SLC35F4: variants seen among roughly 807,000 people sequenced by gnomAD.
The protein encoded by SLC35F4 is chromosome 14 open reading frame 36.
Under a neutral mutation model 44.2 loss-of-function variants are expected in SLC35F4, and 24 were observed. The ratio of observed to expected loss-of-function variants is 0.54; its 90% CI spans 0.39 to 0.76. The LOEUF (loss-of-function observed/expected upper bound fraction) is 0.76. Among genes scored for constraint, SLC35F4 ranks in the 30% least tolerant of loss-of-function variants. The pLI is 0.00. For synonymous variants in SLC35F4, 238 were observed against 223.6 expected (o/e 1.06, Z -0.57); for missense variants, 562 against 586.1 (o/e 0.96, Z 0.42).
At chr14:57,701,881 T>G (rs999711296) in intron 1 of SLC35F4, among the ~76,000 whole-genome samples, 1 of 152,166 alleles carries the variant, frequency 6.6e-6, no homozygotes, top group African/African-American at 2.4e-5. Flanking sequence ...AGACCTCAGC[T>G]GACCACAAAT....
intron 1 of SLC35F4, among the ~76,000 whole-genome samples, chr14:57,707,503 T>C (rs182049446): frequency 1.0e-3 from 156 of 152,276 alleles, no homozygotes; most frequent in African/African-American, 3.5e-3. Flanking sequence ...TCTGCCATGA[T>C]TGTAAATTTC....
At chr14:57,672,828 A>G (rs1346862464) in intron 1 of SLC35F4, among the ~76,000 whole-genome samples, 1 of 151,922 alleles carries the variant, frequency 6.6e-6, no homozygotes, top group Non-Finnish European at 1.5e-5. Flanking sequence ...TTAGGACAGG[A>G]AAGTGAGCCA....
rs76860724 is a variant in SLC35F4, at chr14:57,570,305, C to T, written c.934-325G>A. Among the ~76,000 whole-genome samples, 704 of 152,314 alleles carry T rather than the reference C, an allele frequency of 4.6e-3. 4 individuals are homozygous for T. The highest frequency in any genetic ancestry group is 7.2e-3 in the Non-Finnish European group (491 of 68,026). ...GTCCAGACAAGCCCAGAAAAATCTT[C>T]TAGGATTGACTGGCCATTAATCCTT... On this transcript the variant is annotated intron_variant, in intron 5 of 7. Transcript: ENST00000556826.
chr14:57,901,641 C>G (rs531268195), intron 1 of SLC35F4, among the ~76,000 whole-genome samples: 1 of 152,168 alleles, frequency 6.6e-6, no homozygotes, highest in East Asian at 1.9e-4. Flanking sequence ...TCTAACAAAC[C>G]TGCACATCCT....
chr14:57,601,200 A>G (rs1045395432), intron 1 of SLC35F4, among the ~76,000 whole-genome samples: 1 of 151,788 alleles, frequency 6.6e-6, no homozygotes, highest in Non-Finnish European at 1.5e-5. Context: ...CTTGCTTATT[A>G]TCTTATTATA....
At chr14:57,757,771 A>G (rs2077028714) in intron 1 of SLC35F4, among the ~76,000 whole-genome samples, 1 of 152,162 alleles carries the variant, frequency 6.6e-6, no homozygotes, top group African/African-American at 2.4e-5. Flanking sequence ...TATCTTTTAA[A>G]GATACTTAAA....
intron 1 of SLC35F4, among the ~76,000 whole-genome samples, chr14:57,803,582 C>CTTTTTTT (rs532690276): frequency 8.7e-4 from 69 of 79,426 alleles, no homozygotes; most frequent in Non-Finnish European, 1.3e-3. Context: ...AAAGCTTCTT[C>CTTTTTTT]TTTTTTTTTT....
chr14:57,766,170 T>G (rs1165354204), intron 1 of SLC35F4, among the ~76,000 whole-genome samples: 4 of 152,218 alleles, frequency 2.6e-5, no homozygotes, highest in African/African-American at 7.2e-5. Flanking sequence ...TACTCACTAC[T>G]CATCAAGAGC....
At chr14:57,949,009 GA>G (rs1463921535) in intron 1 of SLC35F4, among the ~76,000 whole-genome samples, 2 of 152,068 alleles carry the variant, frequency 1.3e-5, no homozygotes, top group African/African-American at 4.8e-5. Context: ...TGTATATTCT[GA>G]AGTTACAGAT....
intron 1 of SLC35F4, among the ~76,000 whole-genome samples, chr14:57,703,183 A>G (rs917605037): frequency 2.0e-5 from 3 of 152,182 alleles, no homozygotes; most frequent in Non-Finnish European, 2.9e-5. Flanking sequence ...TCGTCCATCA[A>G]CTTCATCTTC....
chr14:57,588,899 C>T (rs1350670854), intron 3 of SLC35F4, among the ~76,000 whole-genome samples: 1 of 152,050 alleles, frequency 6.6e-6, no homozygotes, highest in African/African-American at 2.4e-5. Context: ...AAGTGTATAA[C>T]ATTGAATGAG....
At position 57,743,368 on chromosome 14, in the gene SLC35F4, C is replaced by T. The variant is rs903182910; in HGVS notation, c.103+122355G>A. Among the ~76,000 whole-genome samples the T allele has an allele frequency of 2.9e-4, 44 of 152,036 alleles. No homozygotes were observed. In the East Asian group the frequency reaches 2.9e-3, roughly 10 times the overall value. ...AGAAAAGAGAGAAGAATCAAATAGA[C>T]GCAACAAAAAATGATAAAGGGGATA... On this transcript the variant is annotated intron_variant, in intron 1 of 7. Coordinates refer to ENST00000556826, the MANE Select transcript of SLC35F4 (RefSeq NM_001306087.2).
intron 1 of SLC35F4, among the ~76,000 whole-genome samples, chr14:57,720,023 T>C (rs757087585): frequency 4.6e-5 from 7 of 152,182 alleles, no homozygotes; most frequent in East Asian, 1.9e-4. Context: ...TATGAAGATA[T>C]GTTAAACTTT....
At chr14:57,972,058 C>T (rs1358463844), downstream of SLC35F4, among the ~76,000 whole-genome samples, 2 of 152,046 alleles carry the variant, frequency 1.3e-5, no homozygotes, top group African/African-American at 4.8e-5. Context: ...TAATGAGGAA[C>T]ATTACAGGCA....
rs868170293 is a variant in SLC35F4, at chr14:57,631,605, T to A, written c.104-37481A>T. 3.9e-5 allele frequency among the ~76,000 whole-genome samples: 6 copies of A among 152,184 alleles called. No individual in the cohort carries two copies. In the South Asian group the frequency reaches 8.3e-4, roughly 21 times the overall value. On this transcript the variant is annotated intron_variant, in intron 1 of 7. Coordinates refer to ENST00000556826, the MANE Select transcript of SLC35F4 (RefSeq NM_001306087.2). ...TTTTCAGGCCTCAGTTTATTTAATA[T>A]GAGGCAAGTTGAAAGACAACATTCA...
intron 1 of SLC35F4, among the ~76,000 whole-genome samples, chr14:57,819,287 A>C (rs144085451): frequency 1.1e-4 from 17 of 152,242 alleles, no homozygotes; most frequent in African/African-American, 4.1e-4. Context: ...ATATATAAAG[A>C]TATGTCATAT....
At chr14:57,797,418 G>A (rs1378692553) in intron 1 of SLC35F4, among the ~76,000 whole-genome samples, 1 of 152,198 alleles carries the variant, frequency 6.6e-6, no homozygotes, top group East Asian at 1.9e-4. Context: ...AAAAGGGAAA[G>A]GAACTGTAGA....
At chr14:57,725,815 C>T (rs1178211456) in intron 1 of SLC35F4, among the ~76,000 whole-genome samples, 1 of 152,110 alleles carries the variant, frequency 6.6e-6, no homozygotes, top group Non-Finnish European at 1.5e-5. Context: ...TCTGTCATAG[C>T]CAGGATTCAT....
intron 1 of SLC35F4, among the ~76,000 whole-genome samples, chr14:57,921,305 T>C (rs1004578892): frequency 1.5e-4 from 23 of 152,174 alleles, no homozygotes; most frequent in African/African-American, 5.3e-4. Context: ...AGGGCAGGTG[T>C]AGTATCAAGA....
Sources: allele counts gnomAD v4.1 joint callset (sites outside exome capture counted in the v4.1 genomes callset), GRCh38; gene constraint gnomAD v4.1.1; transcripts MANE v1.5; gene names NCBI Gene and HGNC (gene_info 2026-07-23, HGNC 2026-07-21).